Variants in SLIT3 observed in about 807,000 individuals in gnomAD.
The protein encoded by SLIT3 is slit guidance ligand 3.
In SLIT3, 68 loss-of-function variants were observed where a neutral mutation model predicts 184.0. The ratio of observed to expected loss-of-function variants is 0.37; its 90% CI spans 0.30 to 0.45. The LOEUF (loss-of-function observed/expected upper bound fraction) is 0.45, where lower values mean the gene tolerates loss of function less well. SLIT3 is among the 20% of genes least tolerant of loss of function. The pLI is 1.00. For missense variants in SLIT3, 1,707 were observed against 2,026.0 expected, an observed-to-expected ratio of 0.84 and a Z score of 3.02; for synonymous variants, 831 against 828.6, an observed-to-expected ratio of 1.00 and a Z score of -0.05.
At chr5:169,230,901 A>T (rs1267135747) in intron 3 of SLIT3, among the ~76,000 whole-genome samples, 1 of 152,218 alleles carries the variant, frequency 6.6e-6, no homozygotes, top group Non-Finnish European at 1.5e-5. Flanking sequence ...AACTTACAGA[A>T]AAGGATAAAT....
At chr5:168,789,963 T>C in intron 10 of SLIT3, 1 of 245,018 alleles carries the variant, frequency 4.1e-6, no homozygotes, top group African/African-American at 2.2e-5. Flanking sequence ...TTACGTTTCA[T>C]TACCAAGCAA....
intron 9 of SLIT3, among the ~76,000 whole-genome samples, chr5:168,795,793 G>A (rs775105651): frequency 5.3e-5 from 8 of 152,154 alleles, no homozygotes; most frequent in Non-Finnish European, 1.2e-4. Context: ...TCTCCTTGGA[G>A]AAAGAGGGAA....
chr5:169,267,050 C>T (rs140418453), intron 1 of SLIT3, among the ~76,000 whole-genome samples: 11 of 152,322 alleles, frequency 7.2e-5, no homozygotes, highest in African/African-American at 2.6e-4. Flanking sequence ...GAGTGTTTAC[C>T]ATGTGCCAAG....
intron 4 of SLIT3, among the ~76,000 whole-genome samples, chr5:169,162,241 T>A (rs140507232): frequency 1.2e-3 from 176 of 152,294 alleles, no homozygotes; most frequent in African/African-American, 4.0e-3. Flanking sequence ...TCTTGGTAGA[T>A]GTGCAAATTA....
intron 4 of SLIT3, among the ~76,000 whole-genome samples, chr5:168,981,375 G>C (rs1188737542): frequency 3.3e-5 from 5 of 152,188 alleles, no homozygotes; most frequent in Non-Finnish European, 7.3e-5. Flanking sequence ...GAAGATGACA[G>C]ATTCCCGGGA....
chr5:169,033,926 C>T (rs987904341), intron 4 of SLIT3, among the ~76,000 whole-genome samples: 1 of 151,446 alleles, frequency 6.6e-6, no homozygotes, highest in Non-Finnish European at 1.5e-5. Flanking sequence ...GATTCTCCTG[C>T]CTCAGCCTCC....
At chr5:168,989,573 G>A (rs1021490755) in intron 4 of SLIT3, among the ~76,000 whole-genome samples, 1 of 152,160 alleles carries the variant, frequency 6.6e-6, no homozygotes, top group Non-Finnish European at 1.5e-5. Flanking sequence ...TCTAAAGCGC[G>A]AACTAGTTGT....
intron 27 of SLIT3, among the ~76,000 whole-genome samples, chr5:168,697,410 G>A (rs1402943476): frequency 6.6e-6 from 1 of 152,236 alleles, no homozygotes; most frequent in African/African-American, 2.4e-5. Flanking sequence ...ACAGATAAAG[G>A]CCATGCGGAA....
At chr5:169,165,755 C>T (rs1327396807) in intron 4 of SLIT3, among the ~76,000 whole-genome samples, 1 of 152,178 alleles carries the variant, frequency 6.6e-6, no homozygotes, top group East Asian at 1.9e-4. Flanking sequence ...AATTTTTCTC[C>T]TTAGCATGTA....
intron 4 of SLIT3, among the ~76,000 whole-genome samples, chr5:168,926,957 A>C (rs1761846609): frequency 6.6e-6 from 1 of 152,242 alleles, no homozygotes; most frequent in African/African-American, 2.4e-5. Context: ...TTTGGAAAAC[A>C]GAATGGTGGT....
At chr5:169,081,686 G>A (rs1344281507) in intron 4 of SLIT3, among the ~76,000 whole-genome samples, 4 of 152,200 alleles carry the variant, frequency 2.6e-5, no homozygotes, top group Non-Finnish European at 4.4e-5. Context: ...GACAGCTAGA[G>A]GAAGGCATGA....
intron 3 of SLIT3, among the ~76,000 whole-genome samples, chr5:169,211,807 G>A (rs188347398): frequency 1.5e-3 from 227 of 151,960 alleles, no homozygotes; most frequent in African/African-American, 5.0e-3. Flanking sequence ...GTCCCCAGAC[G>A]GCCCGTGTGT....
chr5:169,268,673 G>C (rs532758053), intron 1 of SLIT3, among the ~76,000 whole-genome samples: 1 of 152,254 alleles, frequency 6.6e-6, no homozygotes, highest in South Asian at 2.1e-4. Context: ...ATTACTACTC[G>C]TGTGTTTTGG....
At chr5:168,708,132 G>A (rs866259756) in intron 25 of SLIT3, 32 bp from the exon 26 acceptor site, 24 of 1,614,080 alleles carry the variant, frequency 1.5e-5, no homozygotes, top group Non-Finnish European at 1.6e-5. Context: ...CTGATGGCAG[G>A]TCCTGAGTGC....
At chr5:169,043,162 GA>G (rs1361042078) in intron 4 of SLIT3, among the ~76,000 whole-genome samples, 3 of 151,836 alleles carry the variant, frequency 2.0e-5, no homozygotes, top group South Asian at 2.1e-4. Context: ...TTATACTAGA[GA>G]AAAAAAATGA....
At chr5:168,741,601 T>A (rs540887187) in intron 20 of SLIT3, among the ~76,000 whole-genome samples, 2 of 151,686 alleles carry the variant, frequency 1.3e-5, no homozygotes, top group Non-Finnish European at 2.9e-5. Context: ...CAATTGCTGC[T>A]CTCAGGGAGC....
intron 32 of SLIT3, among the ~76,000 whole-genome samples, chr5:168,674,287 G>A (rs935353730): frequency 1.3e-5 from 2 of 152,136 alleles, no homozygotes; most frequent in Non-Finnish European, 2.9e-5. Flanking sequence ...CATAGAGCAA[G>A]GATTTGAACT....
chr5:169,255,576 T>A (rs1581107153), intron 1 of SLIT3, among the ~76,000 whole-genome samples: 1 of 152,098 alleles, frequency 6.6e-6, no homozygotes, highest in South Asian at 2.1e-4. Flanking sequence ...TAAAAAAAAA[T>A]TAAAAGTTTA....
At chr5:168,846,330 C>T (rs1758466085) in intron 5 of SLIT3, among the ~76,000 whole-genome samples, 1 of 152,172 alleles carries the variant, frequency 6.6e-6, no homozygotes, top group Non-Finnish European at 1.5e-5. Flanking sequence ...GATGCCCACT[C>T]ACACGGAGTC....
Sources: allele counts gnomAD v4.1 joint callset (sites outside exome capture counted in the v4.1 genomes callset), GRCh38; gene constraint gnomAD v4.1.1; transcripts MANE v1.5; gene names NCBI Gene and HGNC (gene_info 2026-07-23, HGNC 2026-07-21).